NUP153: variants seen among roughly 807,000 people sequenced by gnomAD.
NUP153 encodes nucleoporin 153.
Under a neutral mutation model 134.6 loss-of-function variants are expected in NUP153, and 27 were observed. The observed-to-expected ratio is 0.20, with a 90% CI of 0.15 to 0.28. The LOEUF is 0.28. Ranked by LOEUF, NUP153 falls within the 10% of genes least tolerant of loss-of-function variation. The probability of loss-of-function intolerance (pLI) is 1.00; values close to 1 mark genes in which losing one functional copy is unlikely to be tolerated. For synonymous variants in NUP153, 640 were observed against 623.5 expected, an observed-to-expected ratio of 1.03 and a Z score of -0.40; for missense variants, 1,821 against 1,731.3, an observed-to-expected ratio of 1.05 and a Z score of -0.92.
chr6:17,688,587 T>G lies in NUP153; in HGVS notation c.143A>C (p.Lys48Thr). 1.2e-6 allele frequency: 2 copies of G among 1,613,828 alleles called. No homozygotes were observed. Among genetic ancestry groups the G allele is most frequent in the South Asian group, 1.1e-5 (1 of 91,082 alleles). The change falls in exon 2 of 22, where the codon AAG becomes ACG. Residue 48 changes from lysine to threonine, a missense_variant. Transcript: ENST00000262077. Reference sequence around the variant, plus strand: ...TTGTAGCCACCCTGGCACAATATTCTTAACAGATTCTGTAACCCTGCTAAG... The same window carrying G: ...TTGTAGCCACCCTGGCACAATATTCGTAACAGATTCTGTAACCCTGCTAAG... Reference protein sequence around the residue: ...GILSRVTESVKNIVPGWLQRY... With the variant: ...GILSRVTESVTNIVPGWLQRY...
chr6:17,681,479 G>A (rs2113841534), intron 2 of NUP153, among the ~76,000 whole-genome samples: 1 of 152,222 alleles, frequency 6.6e-6, no homozygotes, highest in South Asian at 2.1e-4. Context: ...CAGCTACTTG[G>A]GAGGCTGAGA....
At chr6:17,668,168 C>T (rs900718410) in intron 8 of NUP153, among the ~76,000 whole-genome samples, 7 of 149,738 alleles carry the variant, frequency 4.7e-5, no homozygotes, top group Non-Finnish European at 8.9e-5. Flanking sequence ...CTCCGCCTCC[C>T]GGGTTCAAGT....
At chr6:17,682,935 A>AAAC (rs1554145028) in intron 2 of NUP153, among the ~76,000 whole-genome samples, 1 of 151,508 alleles carries the variant, frequency 6.6e-6, no homozygotes, top group African/African-American at 2.4e-5. Context: ...GAAAAAAAAA[A>AAAC]AAAAAAACAC....
chr6:17,660,621 C>A (rs1767119376), intron 11 of NUP153, among the ~76,000 whole-genome samples: 1 of 151,550 alleles, frequency 6.6e-6, no homozygotes, highest in Admixed American at 6.6e-5. Context: ...CAGGAAATAA[C>A]CCCATAGGAA....
At chr6:17,684,019 T>C (rs1363202965) in intron 2 of NUP153, among the ~76,000 whole-genome samples, 1 of 152,112 alleles carries the variant, frequency 6.6e-6, no homozygotes, top group East Asian at 1.9e-4. Context: ...GTTGTTAAAA[T>C]AGTCTGGGAC....
intron 11 of NUP153, among the ~76,000 whole-genome samples, chr6:17,650,910 T>C (rs1766463891): frequency 6.6e-6 from 1 of 152,182 alleles, no homozygotes; most frequent in Non-Finnish European, 1.5e-5. Flanking sequence ...CTTGTTATTT[T>C]TACAGGATGT....
At position 17,688,522 on chromosome 6, in the gene NUP153, T is replaced by C. The variant is rs138192099; in HGVS notation, c.208A>G (p.Thr70Ala). Reference sequence around the variant, plus strand: ...CAGCGTGGAACCTCGCTTGTGTCTGTTGAACAGCTGCATACATCTTCATTC... The same window carrying C: ...CAGCGTGGAACCTCGCTTGTGTCTGCTGAACAGCTGCATACATCTTCATTC... ...NKNEDVCSCS[T>A]DTSEVPRWPE... is the part of the protein sequence containing the mutation. Residue 70 changes from threonine to alanine, a missense_variant, in exon 2 of 22, where the codon ACA becomes GCA. Coordinates refer to ENST00000262077, the MANE Select transcript of NUP153 (RefSeq NM_005124.4). 7 of 1,614,070 alleles carry C rather than the reference T, an allele frequency of 4.3e-6. No homozygotes were observed. In the Admixed American group the frequency reaches 5.0e-5, roughly 12 times the overall value.
chr6:17,704,874 C>G (rs889288074), intron 1 of NUP153, among the ~76,000 whole-genome samples: 2 of 152,062 alleles, frequency 1.3e-5, no homozygotes, highest in African/African-American at 4.8e-5. Context: ...ATTCTCCTGC[C>G]TCAGCCTCCC....
At chr6:17,682,925 GAAA>G (rs58196936) in intron 2 of NUP153, among the ~76,000 whole-genome samples, 3 of 123,764 alleles carry the variant, frequency 2.4e-5, no homozygotes, top group East Asian at 2.4e-4. Context: ...CAAAAAAGAA[GAAA>G]AAAAAAAAAA....
chr6:17,688,339 T>A, intron 2 of NUP153, 57 bp downstream of exon 2: 1 of 1,379,800 alleles, frequency 7.2e-7, no homozygotes, highest in Non-Finnish European at 1.0e-6. Flanking sequence ...GGTAGTGTCT[T>A]CAAAATTAGG....
At chr6:17,660,875 G>C (rs1373959919) in intron 11 of NUP153, among the ~76,000 whole-genome samples, 1 of 152,174 alleles carries the variant, frequency 6.6e-6, no homozygotes, top group South Asian at 2.1e-4. Flanking sequence ...TCACTTTAAT[G>C]TGTATTAGAA....
Position 17,647,685 on chromosome 6 carries a change from T to G in NUP153, c.1632+122A>C. On this transcript the variant is annotated intron_variant, in intron 13 of 21. Coordinates refer to ENST00000262077, the MANE Select transcript of NUP153 (RefSeq NM_005124.4). ...TTGTTCAAAAGTTTTTTACACAGAG[T>G]ATTTTTTAAGTTGGAAGAAAAATAA... 3 of 665,038 alleles carry G rather than the reference T, an allele frequency of 4.5e-6. No individual in the cohort carries two copies. In the South Asian group the frequency reaches 5.9e-5, roughly 13 times the overall value. The allele number at this position is 665,038 out of a possible 1,614,324, so 41.2% of individuals were successfully genotyped here. A position where few individuals can be genotyped will look rare whatever the true frequency, so the allele number is the denominator to read the frequency against.
rs1472204691 is a variant in NUP153 at position 17,706,267 on chromosome 6, G to A, written c.111+10C>T. 1 of 1,604,404 alleles carries A rather than the reference G, an allele frequency of 6.2e-7. No individual in the cohort carries two copies. Reference sequence around the variant, plus strand: ...ACCCGCCAGGCCACCGCGGCGTCGGGGTCCCATACCTGATGCTGTTGTCGC... The same window carrying A: ...ACCCGCCAGGCCACCGCGGCGTCGGAGTCCCATACCTGATGCTGTTGTCGC... On this transcript the variant is annotated intron_variant, in intron 1 of 21. Transcript: ENST00000262077. This position sits in a 1 kb window ranked among gnomAD's most constrained non-coding sequence, Gnocchi z 5.9.
intron 16 of NUP153, among the ~76,000 whole-genome samples, chr6:17,635,268 C>A (rs868038389): frequency 6.6e-6 from 1 of 152,032 alleles, no homozygotes; most frequent in African/African-American, 2.4e-5. Context: ...CGCCACCACA[C>A]CCGGCTAATT....
intron 14 of NUP153, among the ~76,000 whole-genome samples, chr6:17,644,680 C>A (rs1274811909): frequency 6.6e-6 from 1 of 152,166 alleles, no homozygotes; most frequent in East Asian, 1.9e-4. Flanking sequence ...CAGTGGCTCA[C>A]GTCTGTAATC....
intron 11 of NUP153, 57 bp from the exon 12 acceptor site, chr6:17,649,357 T>C: frequency 6.7e-7 from 1 of 1,500,570 alleles, no homozygotes; most frequent in Non-Finnish European, 9.1e-7. Context: ...CTTTTATCTC[T>C]ACTTATTTTC....
chr6:17,696,597 T>C (rs1386224550), intron 1 of NUP153, among the ~76,000 whole-genome samples: 1 of 151,780 alleles, frequency 6.6e-6, no homozygotes, highest in African/African-American at 2.4e-5. Flanking sequence ...CTATTAAAAA[T>C]ATAAAAAATT....
In NUP153 at chr6:17,701,844, G is replaced by GGGGAA. The variant is rs1554148666; in HGVS notation, c.111+4432_111+4433insTTCCC. On this transcript the variant is annotated intron_variant, in intron 1 of 21. Transcript: ENST00000262077. ...CAAGACTCTGTCTCGGGGGGGGGGGGAAAAAAGCTAAATGCAGGAACTGAC... is the reference window on the plus strand; with the variant it reads ...CAAGACTCTGTCTCGGGGGGGGGGGGGGGAAAAAAAAGCTAAATGCAGGAACTGAC... Among the ~76,000 whole-genome samples, 21 of 81,750 alleles carry GGGGAA rather than the reference G, an allele frequency of 2.6e-4. 1 individual carries two copies. The highest frequency in any genetic ancestry group is 5.5e-4 in the East Asian group (2 of 3,634). 53.6% of individuals were successfully genotyped at this position (81,750 alleles called of 152,430 possible).
rs370387121 is a variant in NUP153 at position 17,623,000 on chromosome 6, C to T, written c.4174+1561G>A. ...AAAAAATCAGCCAGGTGTGGTGGCA[C>T]GTGCCTGTAGTCCCAGCTACTTGGG... On this transcript the variant is annotated intron_variant, in intron 20 of 21. Coordinates refer to ENST00000262077, the MANE Select transcript of NUP153 (RefSeq NM_005124.4). Among the ~76,000 whole-genome samples the T allele has an allele frequency of 2.5e-3, 374 of 151,854 alleles. 5 individuals carry two copies. The highest frequency in any genetic ancestry group is 8.2e-3 in the African/African-American group (341 of 41,438).
Sources: allele counts gnomAD v4.1 joint callset (sites outside exome capture counted in the v4.1 genomes callset), GRCh38; gene constraint gnomAD v4.1.1; non-coding constraint Gnocchi (gnomAD v3.1); transcripts MANE v1.5; gene names NCBI Gene and HGNC (gene_info 2026-07-23, HGNC 2026-07-21).